CNTNAP2: variants seen among roughly 807,000 people sequenced by gnomAD.
CNTNAP2 encodes contactin associated protein 2.
CNTNAP2 carries 98 observed loss-of-function variants against 155.2 expected under a neutral mutation model. That is an observed-to-expected ratio of 0.63 (90% CI 0.54 to 0.75). The LOEUF (loss-of-function observed/expected upper bound fraction) is 0.75, where lower values mean the gene tolerates loss of function less well. Among genes scored for constraint, CNTNAP2 ranks in the 30% least tolerant of loss-of-function variants. The pLI is 0.00. For missense variants in CNTNAP2, 1,727 were observed against 1,688.1 expected, an observed-to-expected ratio of 1.02 and a Z score of -0.40; for synonymous variants, 651 against 631.2, an observed-to-expected ratio of 1.03 and a Z score of -0.47.
Position 146,532,262 on chromosome 7 carries a change from A to G in CNTNAP2, c.98-242009A>G, listed in dbSNP as rs1238456374. 2.0e-5 allele frequency among the ~76,000 whole-genome samples: 3 copies of G among 152,106 alleles called. No homozygotes were observed. The East Asian group carries it at 5.8e-4, about 29-fold the overall frequency. Reference sequence around the variant, plus strand: ...ATGGTTCTTCAGAATTTATGATTGTAGTATTCTACAGAATATGCTCTCAAA... The same window carrying G: ...ATGGTTCTTCAGAATTTATGATTGTGGTATTCTACAGAATATGCTCTCAAA... On this transcript the variant is annotated intron_variant, in intron 1 of 23. Transcript: ENST00000361727.
chr7:147,878,117 T>C (rs1156571121), intron 13 of CNTNAP2, among the ~76,000 whole-genome samples: 1 of 150,094 alleles, frequency 6.7e-6, no homozygotes, highest in African/African-American at 2.5e-5. Flanking sequence ...TGTTTTTCAG[T>C]GGAAAGTTTA....
intron 1 of CNTNAP2, among the ~76,000 whole-genome samples, chr7:146,168,686 C>T (rs1798347437): frequency 6.6e-6 from 1 of 152,180 alleles, no homozygotes; most frequent in African/African-American, 2.4e-5. Context: ...TGTGCATCCA[C>T]TTTCTCACTC....
In CNTNAP2 at chr7:147,113,520, G is replaced by A. The variant is rs530168787; in HGVS notation, c.754+5170G>A. On this transcript the variant is annotated intron_variant, in intron 5 of 23. Transcript: ENST00000361727. ...CCTCAGGAAACTTACAATCAGGGCC[G>A]AAAGGGAAGCAAACACATCCTTCTT... 2.0e-4 allele frequency among the ~76,000 whole-genome samples: 31 copies of A among 152,070 alleles called. No homozygotes were observed. The South Asian group carries it at 5.4e-3, about 26-fold the overall frequency.
intron 3 of CNTNAP2, among the ~76,000 whole-genome samples, chr7:146,842,104 CT>C (rs1465444057): frequency 6.6e-6 from 1 of 152,076 alleles, no homozygotes; most frequent in African/African-American, 2.4e-5. Flanking sequence ...TCAGTCTGCT[CT>C]TGAATTCCTG....
chr7:147,441,842 TCTCTCTCTCC>T (rs1247907780), intron 10 of CNTNAP2, among the ~76,000 whole-genome samples: 6 of 114,580 alleles, frequency 5.2e-5, no homozygotes, highest in African/African-American at 1.9e-4. Flanking sequence ...TCTCTCTCTC[TCTCTCTCTCC>T]CTCCCTCCCT....
chr7:146,944,649 T>C (rs1445967036), intron 3 of CNTNAP2, among the ~76,000 whole-genome samples: 5 of 151,944 alleles, frequency 3.3e-5, no homozygotes, highest in East Asian at 1.9e-4. Flanking sequence ...GAGGCCAAGG[T>C]GGGCGGATCA....
intron 1 of CNTNAP2, among the ~76,000 whole-genome samples, chr7:146,139,025 C>T (rs766375806): frequency 2.0e-5 from 3 of 152,120 alleles, no homozygotes; most frequent in Non-Finnish European, 4.4e-5. Flanking sequence ...CTAAGCCTCA[C>T]CTACCTTAAA....
intron 12 of CNTNAP2, among the ~76,000 whole-genome samples, chr7:147,568,201 A>C (rs1210763847): frequency 6.6e-6 from 1 of 152,186 alleles, no homozygotes; most frequent in Non-Finnish European, 1.5e-5. Context: ...AAAAAAAGGA[A>C]AATATTTCCA....
At chr7:148,108,308 G>A (rs774408075) in intron 15 of CNTNAP2, among the ~76,000 whole-genome samples, 3 of 152,004 alleles carry the variant, frequency 2.0e-5, no homozygotes, top group African/African-American at 4.8e-5. Context: ...ACACAGGGCT[G>A]GTGCTCAAGG....
intron 8 of CNTNAP2, among the ~76,000 whole-genome samples, chr7:147,289,594 G>C (rs1014143898): frequency 6.6e-6 from 1 of 152,166 alleles, no homozygotes; most frequent in East Asian, 1.9e-4. Context: ...TGGTCTGTAA[G>C]ATTATGTCAA....
At chr7:147,953,252 T>C (rs777878573) in intron 14 of CNTNAP2, among the ~76,000 whole-genome samples, 1 of 152,170 alleles carries the variant, frequency 6.6e-6, no homozygotes, top group Non-Finnish European at 1.5e-5. Context: ...CTGAGAATAG[T>C]GTGTATTCTT....
intron 13 of CNTNAP2, among the ~76,000 whole-genome samples, chr7:147,697,634 C>A (rs1796181855): frequency 6.6e-6 from 1 of 152,102 alleles, no homozygotes; most frequent in South Asian, 2.1e-4. Flanking sequence ...TGCCTCTGGG[C>A]TATGGACTTC....
intron 4 of CNTNAP2, among the ~76,000 whole-genome samples, chr7:147,090,193 G>A (rs539501513): frequency 6.6e-6 from 1 of 152,290 alleles, no homozygotes; most frequent in Non-Finnish European, 1.5e-5. Flanking sequence ...ATGAGTCAAT[G>A]TTGCTAAGTG....
At position 146,880,805 on chromosome 7, in the gene CNTNAP2, T is replaced by A. The variant is rs116302576; in HGVS notation, c.402+40901T>A. Reference sequence around the variant, plus strand: ...CTTACAGAGGGCTGAATATTTGTTTTATTATCTTTTAATCTGTTGTCTACA... The same window carrying A: ...CTTACAGAGGGCTGAATATTTGTTTAATTATCTTTTAATCTGTTGTCTACA... On this transcript the variant is annotated intron_variant, in intron 3 of 23. Coordinates refer to ENST00000361727, the MANE Select transcript of CNTNAP2 (RefSeq NM_014141.6). 5.0e-3 allele frequency among the ~76,000 whole-genome samples: 762 copies of A among 152,264 alleles called. 5 individuals carry two copies. The highest frequency in any genetic ancestry group is 0.018 in the African/African-American group (736 of 41,572).
At chr7:147,232,962 C>G (rs1217203849) in intron 8 of CNTNAP2, among the ~76,000 whole-genome samples, 1 of 152,096 alleles carries the variant, frequency 6.6e-6, no homozygotes, top group African/African-American at 2.4e-5. Context: ...AAAATTAGTT[C>G]TATTATTTCT....
chr7:146,554,578 T>C (rs1798169205), intron 1 of CNTNAP2, among the ~76,000 whole-genome samples: 1 of 152,230 alleles, frequency 6.6e-6, no homozygotes, highest in Non-Finnish European at 1.5e-5. Flanking sequence ...TTGTGTTATA[T>C]TGTACATGGA....
intron 15 of CNTNAP2, among the ~76,000 whole-genome samples, chr7:147,985,446 A>G (rs1801603018): frequency 6.9e-6 from 1 of 144,774 alleles, no homozygotes; most frequent in Non-Finnish European, 1.5e-5. Context: ...CAGAGGGCAA[A>G]GGGGAAGATT....
chr7:147,861,561 G>T (rs752151764), intron 13 of CNTNAP2, among the ~76,000 whole-genome samples: 10 of 152,086 alleles, frequency 6.6e-5, no homozygotes, highest in Non-Finnish European at 1.2e-4. Context: ...ATCTCACAAA[G>T]TTTGCAATCC....
intron 1 of CNTNAP2, among the ~76,000 whole-genome samples, chr7:146,578,664 T>G (rs1409331644): frequency 6.6e-6 from 1 of 152,140 alleles, no homozygotes; most frequent in Non-Finnish European, 1.5e-5. Context: ...AAACTTCATT[T>G]TATCTCTGCT....
Sources: gnomAD v4.1 joint callset for allele counts (sites outside exome capture counted in the v4.1 genomes callset) on GRCh38, gnomAD v4.1.1 for gene constraint, MANE v1.5 for transcripts, NCBI Gene and HGNC (gene_info 2026-07-23, HGNC 2026-07-21) for gene names.